The following BLM variants were observed in gnomAD, a reference collection of about 807,000 sequenced individuals.
BLM encodes BLM RecQ like helicase.
Under a neutral mutation model 135.3 loss-of-function variants are expected in BLM, and 95 were observed. The ratio of observed to expected loss-of-function variants is 0.70; its 90% CI spans 0.59 to 0.83. The LOEUF (loss-of-function observed/expected upper bound fraction) is 0.83. BLM is among the 40% of genes least tolerant of loss of function. The probability of loss-of-function intolerance (pLI) is 0.00; values close to 1 mark genes in which losing one functional copy is unlikely to be tolerated. For missense variants in BLM, 1,518 were observed against 1,663.9 expected, an observed-to-expected ratio of 0.91 and a Z score of 1.53; for synonymous variants, 520 against 589.2, an observed-to-expected ratio of 0.88 and a Z score of 1.70.
intron 3 of BLM, among the ~76,000 whole-genome samples, chr15:90,750,846 A>G (rs1334799556): frequency 6.6e-6 from 1 of 152,198 alleles, no homozygotes. Context: ...AACACATAGT[A>G]CTTATCGGGT....
chr15:90,756,383 G>A (rs56145643), intron 5 of BLM, among the ~76,000 whole-genome samples: 9,424 of 152,184 alleles, frequency 0.062, 435 homozygotes, highest in African/African-American at 0.13. Flanking sequence ...GATTACAGGC[G>A]TGAGCCACCG....
chr15:90,772,150 C>G (rs1896337727), intron 12 of BLM, among the ~76,000 whole-genome samples: 1 of 152,184 alleles, frequency 6.6e-6, no homozygotes, highest in African/African-American at 2.4e-5. Flanking sequence ...GTTTCCTGAT[C>G]TTTTCTGCCA....
intron 17 of BLM, among the ~76,000 whole-genome samples, chr15:90,802,216 G>C (rs1044263141): frequency 5.3e-5 from 8 of 152,152 alleles, no homozygotes; most frequent in African/African-American, 2.4e-5. Context: ...AATAATTCAG[G>C]ATATATGGCC....
chr15:90,785,254 T>TA (rs1407283408), intron 14 of BLM, among the ~76,000 whole-genome samples, 173 bp downstream of exon 14: 3 of 152,286 alleles, frequency 2.0e-5, no homozygotes, highest in East Asian at 1.9e-4. Context: ...TTTTCTTTCA[T>TA]AAAAAAAATC....
At chr15:90,752,557 A>G (rs1040673022) in intron 4 of BLM, among the ~76,000 whole-genome samples, 1 of 152,208 alleles carries the variant, frequency 6.6e-6, no homozygotes, top group Non-Finnish European at 1.5e-5. Flanking sequence ...ACACAAAGCT[A>G]ACCCATTATA....
At chr15:90,813,150 T>G (rs17183237) in intron 21 of BLM, among the ~76,000 whole-genome samples, 1 of 152,084 alleles carries the variant, frequency 6.6e-6, no homozygotes, top group African/African-American at 2.4e-5. Context: ...GCACGTTCAC[T>G]TCTGCATGTT....
At chr15:90,785,257 A>AGC (rs1896717536) in intron 14 of BLM, among the ~76,000 whole-genome samples, 176 bp downstream of exon 14, 1 of 152,242 alleles carries the variant, frequency 6.6e-6, no homozygotes, top group Non-Finnish European at 1.5e-5. Flanking sequence ...TCTTTCATAA[A>AGC]AAAAATCTGC....
intron 1 of BLM, among the ~76,000 whole-genome samples, chr15:90,725,568 A>C (rs1214891058): frequency 4.7e-5 from 7 of 147,886 alleles, no homozygotes; most frequent in Admixed American, 3.4e-4. Context: ...ATCTCGGCTC[A>C]CTGCAAGCTC....
chr15:90,798,159 A>G (rs1897074273), intron 16 of BLM, 31 bp from the exon 17 acceptor site: 1 of 1,566,328 alleles, frequency 6.4e-7, no homozygotes. Context: ...TACCTTAATT[A>G]TAGCAGAAAG....
intron 12 of BLM, among the ~76,000 whole-genome samples, chr15:90,776,740 A>G (rs1010732660): frequency 2.0e-5 from 3 of 152,054 alleles, no homozygotes; most frequent in African/African-American, 7.2e-5. Context: ...GAGTTTCACC[A>G]TGTTGCCCAG....
chr15:90,755,947 GT>G, intron 5 of BLM, among the ~76,000 whole-genome samples: 1 of 152,084 alleles, frequency 6.6e-6, no homozygotes, highest in East Asian at 1.9e-4. Context: ...TCTGTGTGTT[GT>G]TTTTGTTTCC....
In BLM at chr15:90,736,482, G is replaced by C. The variant is rs1165281846; in HGVS notation, c.-4-10907G>C. On this transcript the variant is annotated intron_variant, in intron 1 of 21. Coordinates refer to ENST00000355112, the MANE Select transcript of BLM (RefSeq NM_000057.4). The stretch of plus-strand genomic sequence containing the variant: ...TCACCATGTTGCCCAGGCTGGTCTT[G>C]AACTCCTGGACTCAAGCAATCCTGT... 2.0e-5 allele frequency among the ~76,000 whole-genome samples: 3 copies of C among 152,096 alleles called. No homozygotes were observed. In the East Asian group the frequency reaches 5.8e-4, roughly 29 times the overall value.
In BLM at chr15:90,809,198, G is replaced by A. The variant is rs376082823; in HGVS notation, c.3813G>A (p.Leu1271=). ...LQIDGVTEDK[L]EKYGAEVISV... ...TTGATGGTGTTACTGAAGACAAACT[G>A]GAAAAATATGGTGCGGAAGTGATTT... The change falls in exon 20 of 22, where the codon CTG becomes CTA. Residue 1271 remains leucine (L), a synonymous_variant. Coordinates refer to ENST00000355112, the MANE Select transcript of BLM (RefSeq NM_000057.4). 154 of 1,614,052 alleles carry A rather than the reference G, an allele frequency of 9.5e-5. 2 individuals carry two copies. Among genetic ancestry groups the A allele is most frequent in the Non-Finnish European group, 8.3e-5 (98 of 1,180,034 alleles).
At chr15:90,807,249 A>G (rs947347918) in intron 19 of BLM, among the ~76,000 whole-genome samples, 1 of 152,198 alleles carries the variant, frequency 6.6e-6, no homozygotes, top group African/African-American at 2.4e-5. Flanking sequence ...AAGGTTGTAC[A>G]TCTCTCAGTA....
At position 90,765,336 on chromosome 15, in the gene BLM, T is replaced by C. The variant is rs142787700; in HGVS notation, c.2115T>C (p.Val705=). ...KSLCYQLPAC[V]SPGVTVVISP... ...TGTGTTACCAGCTCCCTGCCTGTGT[T>C]TCTCCTGGGGTCACTGTTGTCATTT... The change falls in exon 9 of 22, where the codon GTT becomes GTC. Residue 705 remains valine, a synonymous_variant. Coordinates refer to ENST00000355112, the MANE Select transcript of BLM (RefSeq NM_000057.4). The C allele has an allele frequency of 4.5e-5, 73 of 1,613,940 alleles. 1 individual carries two copies. In the African/African-American group the frequency reaches 8.7e-4, roughly 19 times the overall value.
At chr15:90,778,455 T>C (rs1253423070) in intron 12 of BLM, among the ~76,000 whole-genome samples, 1 of 152,200 alleles carries the variant, frequency 6.6e-6, no homozygotes, top group Non-Finnish European at 1.5e-5. Flanking sequence ...TGTACAACCA[T>C]TGCCAGAGTT....
intron 16 of BLM, among the ~76,000 whole-genome samples, chr15:90,797,711 C>T (rs16944831): frequency 0.11 from 17,366 of 151,732 alleles, 1,911 homozygotes; most frequent in African/African-American, 0.29. Flanking sequence ...GTAACGGGGA[C>T]TCTAAAAAGT....
intron 1 of BLM, among the ~76,000 whole-genome samples, chr15:90,730,630 TAG>T (rs1895042625): frequency 6.6e-6 from 1 of 152,132 alleles, no homozygotes; most frequent in African/African-American, 2.4e-5. Flanking sequence ...GTATTTTAGG[TAG>T]AGACAGGGTT....
chr15:90,760,403 C>A, intron 6 of BLM, 124 bp downstream of exon 6: 1 of 1,354,288 alleles, frequency 7.4e-7, no homozygotes, highest in Non-Finnish European at 1.0e-6. Context: ...GATCATCATG[C>A]CACTATGTTT....
Sources: allele counts gnomAD v4.1 joint callset (sites outside exome capture counted in the v4.1 genomes callset), GRCh38; gene constraint gnomAD v4.1.1; transcripts MANE v1.5; gene names NCBI Gene and HGNC (gene_info 2026-07-23, HGNC 2026-07-21).